Variants in PRICKLE2 observed in about 807,000 individuals in gnomAD.
The protein encoded by PRICKLE2 is prickle planar cell polarity protein 2.
Under a neutral mutation model 81.4 loss-of-function variants are expected in PRICKLE2, and 21 were observed. That is an observed-to-expected ratio of 0.26 (90% CI 0.18 to 0.37). The LOEUF is 0.37. Among genes scored for constraint, PRICKLE2 ranks in the 10% least tolerant of loss-of-function variants. PRICKLE2 has a pLI of 1.00. For synonymous variants in PRICKLE2, 456 were observed against 421.5 expected, an observed-to-expected ratio of 1.08 and a Z score of -1.00; for missense variants, 940 against 1,109.0, an observed-to-expected ratio of 0.85 and a Z score of 2.16.
intron 7 of PRICKLE2, among the ~76,000 whole-genome samples, chr3:64,141,040 C>T (rs192576708): frequency 5.3e-5 from 8 of 152,308 alleles, no homozygotes; most frequent in Non-Finnish European, 8.8e-5. Context: ...TTCTATAAAC[C>T]TTAGTGTACC....
At chr3:64,157,409 C>T (rs2089154480) in intron 4 of PRICKLE2, 44 bp from the exon 5 acceptor site, 8 of 1,576,780 alleles carry the variant, frequency 5.1e-6, no homozygotes, top group Non-Finnish European at 7.0e-6. Flanking sequence ...TAGCCCCCAT[C>T]TCCCAGTGCT....
intron 3 of PRICKLE2, among the ~76,000 whole-genome samples, chr3:64,161,121 G>C (rs28214): frequency 0.21 from 26,467 of 127,336 alleles, 2,564 homozygotes; most frequent in East Asian, 0.49. Flanking sequence ...GTGTGAGTTA[G>C]AGAGATATGA....
At chr3:64,107,188 G>A (rs1349952728) in intron 7 of PRICKLE2, among the ~76,000 whole-genome samples, 13 of 152,100 alleles carry the variant, frequency 8.5e-5, no homozygotes, top group Admixed American at 6.5e-4. Flanking sequence ...TTCAGCCTGT[G>A]GTTCTCTGTG....
intron 1 of PRICKLE2, among the ~76,000 whole-genome samples, chr3:64,223,154 GT>G (rs980297317): frequency 1.3e-5 from 2 of 152,144 alleles, no homozygotes; most frequent in Non-Finnish European, 2.9e-5. Context: ...TTTCAATACT[GT>G]TTTTTAGCAA....
chr3:64,187,940 G>A (rs185437429), intron 2 of PRICKLE2, among the ~76,000 whole-genome samples: 1 of 152,354 alleles, frequency 6.6e-6, no homozygotes, highest in East Asian at 1.9e-4. Flanking sequence ...CAGAAAGGGA[G>A]CTGAAGAAAC....
At chr3:64,197,094 CTT>C (rs1337166029) in intron 2 of PRICKLE2, among the ~76,000 whole-genome samples, 2 of 152,156 alleles carry the variant, frequency 1.3e-5, no homozygotes, top group Admixed American at 1.3e-4. Flanking sequence ...TATCACTACT[CTT>C]AAGTTATGAG....
At chr3:64,250,579 G>A (rs557779533) in intron 2 of PRICKLE2, among the ~76,000 whole-genome samples, 1 of 152,312 alleles carries the variant, frequency 6.6e-6, no homozygotes, top group South Asian at 2.1e-4. Flanking sequence ...TGTTTTTGGT[G>A]GAGAGGGCAT....
chr3:64,180,319 T>G (rs2078106232), intron 2 of PRICKLE2, among the ~76,000 whole-genome samples: 2 of 152,160 alleles, frequency 1.3e-5, no homozygotes, highest in African/African-American at 4.8e-5. Context: ...TGCGGTAAAA[T>G]ATACAGAATA....
At chr3:64,100,777 T>G (rs2076646774) in intron 7 of PRICKLE2, 1 of 152,242 alleles carries the variant, frequency 6.6e-6, no homozygotes, top group Admixed American at 6.5e-5. Flanking sequence ...AGATACTGAC[T>G]GCAGTAACTT....
intron 2 of PRICKLE2, among the ~76,000 whole-genome samples, chr3:64,261,477 T>C (rs894303076): frequency 5.3e-5 from 8 of 152,040 alleles, no homozygotes; most frequent in Non-Finnish European, 1.0e-4. Flanking sequence ...GAAAATAAAA[T>C]ATTTTGGATC....
At chr3:64,255,398 G>A (rs1273935990) in intron 2 of PRICKLE2, among the ~76,000 whole-genome samples, 2 of 152,216 alleles carry the variant, frequency 1.3e-5, no homozygotes, top group African/African-American at 4.8e-5. Context: ...CTCCACTAAA[G>A]GGGAATGTTG....
intron 1 of PRICKLE2, among the ~76,000 whole-genome samples, chr3:64,218,179 C>A (rs2078901741): frequency 6.6e-6 from 1 of 152,096 alleles, no homozygotes; most frequent in East Asian, 1.9e-4. Context: ...TTTCATGTAC[C>A]ACTTCCTCCC....
chr3:64,160,020 T>C lies in PRICKLE2; in HGVS notation c.316A>G (p.Ser106Gly). The C allele has an allele frequency of 6.2e-7, 1 of 1,614,180 alleles. No individual in the cohort carries two copies. The highest frequency in any genetic ancestry group is 1.1e-5 in the South Asian group (1 of 91,080). ...CCCAAGTTTTCGCGTTTCCTCTGGC[T>C]GCTGAAAAGCTTCAGCTCCCTCTTC... The part of the protein sequence containing the change: ...EEKRELKLFS[S>G]QRKRENLGRG... Residue 106 changes from serine to glycine, a missense_variant, in exon 4 of 8, where the codon AGC (serine) becomes GGC (glycine). Ser to Gly is a moderately conservative substitution (Grantham distance 56). Around this residue, in one of 2 missense-constraint regions of PRICKLE2, gnomAD observed 270 missense variants for 391.8 expected, o/e 0.69. Transcript: ENST00000638394.
intron 2 of PRICKLE2, among the ~76,000 whole-genome samples, chr3:64,235,239 T>C (rs59404136): frequency 0.073 from 11,153 of 152,238 alleles, 677 homozygotes; most frequent in African/African-American, 0.17. Flanking sequence ...TTCTAACAAT[T>C]TCTCTTCACT....
chr3:64,231,268 C>T (rs2079096739), intron 2 of PRICKLE2, among the ~76,000 whole-genome samples: 1 of 152,150 alleles, frequency 6.6e-6, no homozygotes, highest in Non-Finnish European at 1.5e-5. Flanking sequence ...TTGCTCCCTC[C>T]CCACAAAAAC....
chr3:64,218,031 T>G (rs2078899298), intron 1 of PRICKLE2, among the ~76,000 whole-genome samples: 2 of 152,360 alleles, frequency 1.3e-5, no homozygotes, highest in South Asian at 4.1e-4. Context: ...GGGCTAACCC[T>G]GCTTTTCCTA....
intron 1 of PRICKLE2, among the ~76,000 whole-genome samples, chr3:64,213,112 T>C (rs829522): frequency 0.12 from 17,915 of 150,412 alleles, 1,330 homozygotes; most frequent in East Asian, 0.39. Flanking sequence ...ATTTTTCTTT[T>C]GTTGCCCAAG....
chr3:64,175,574 C>A (rs1490586603), intron 2 of PRICKLE2, among the ~76,000 whole-genome samples: 1 of 152,132 alleles, frequency 6.6e-6, no homozygotes, highest in Non-Finnish European at 1.5e-5. Context: ...TTTAAGTTAA[C>A]AAAGATCAAA....
At chr3:64,118,408 C>T (rs1470372425) in intron 7 of PRICKLE2, among the ~76,000 whole-genome samples, 1 of 152,060 alleles carries the variant, frequency 6.6e-6, no homozygotes, top group African/African-American at 2.4e-5. Flanking sequence ...AGTAAACAGA[C>T]AACCTACAGA....
Sources: allele counts gnomAD v4.1 joint callset (sites outside exome capture counted in the v4.1 genomes callset), GRCh38; gene constraint gnomAD v4.1.1; regional missense constraint gnomAD v4.1.1; transcripts MANE v1.5; gene names NCBI Gene and HGNC (gene_info 2026-07-23, HGNC 2026-07-21).